CTBP1: variants seen among roughly 807,000 people sequenced by gnomAD.
CTBP1 encodes C-terminal-binding protein 1.
CTBP1 carries 11 observed loss-of-function variants against 42.1 expected under a neutral mutation model. That is an observed-to-expected ratio of 0.26 (90% CI 0.16 to 0.43). CTBP1 has a LOEUF of 0.43. Ranked by LOEUF, CTBP1 falls within the 20% of genes least tolerant of loss-of-function variation. The pLI, the probability that CTBP1 is intolerant of heterozygous loss-of-function variation, is 1.00. For missense variants in CTBP1, 399 were observed against 624.3 expected (o/e 0.64, Z 3.85); for synonymous variants, 324 against 277.1 (o/e 1.17, Z -1.68).
chr4:1,236,414 C>A, intron 3 of CTBP1: 1 of 557,318 alleles, frequency 1.8e-6, no homozygotes. Flanking sequence ...GTGAAGACCG[C>A]CGCGCAACTG....
rs537671526 is a variant in CTBP1 at position 1,248,721 on chromosome 4, G to A, written c.-189+195C>T. On this transcript the variant is annotated intron_variant, in intron 1 of 9. Transcript: ENST00000382952. ...CGCTCGCGCACACGCAGCGGCCCGC[G>A]CATGCGCAAGACCCTTCCCGCGGTC... The A allele has an allele frequency of 1.9e-5, 19 of 981,666 alleles. No homozygotes were observed. The South Asian group carries it at 7.5e-4, about 39-fold the overall frequency. The allele number at this position is 981,666 out of a possible 1,614,324, so 60.8% of individuals were successfully genotyped here.
intron 5 of CTBP1, among the ~76,000 whole-genome samples, chr4:1,224,904 C>T (rs1730160423): frequency 1.3e-5 from 2 of 151,672 alleles, no homozygotes; most frequent in South Asian, 2.1e-4. Flanking sequence ...TGTACTGTGA[C>T]ATCGGTGTGT....
At position 1,238,024 on chromosome 4, in the gene CTBP1, C is replaced by A. The variant is rs759422795; in HGVS notation, c.162+159G>T. ...CCTCCTGATGGTGTCCAGGGAAAAC[C>A]CCGTGTCCACCTCCTGACGGCGCGG... is the stretch of plus-strand genomic sequence containing the variant. On this transcript the variant is annotated intron_variant, in intron 3 of 9. Coordinates refer to ENST00000382952, the MANE Select transcript of CTBP1 (RefSeq NM_001012614.2). The surrounding 1 kb of genome is among the most constrained non-coding windows in gnomAD (Gnocchi z 5.9). 4.1e-5 allele frequency: 39 copies of A among 957,660 alleles called. No homozygotes were observed. The highest frequency in any genetic ancestry group is 2.6e-5 in the Non-Finnish European group (16 of 604,054). 59.3% of individuals were successfully genotyped at this position (957,660 alleles called of 1,614,324 possible).
At chr4:1,237,230 C>T in intron 3 of CTBP1, 1 of 674,824 alleles carries the variant, frequency 1.5e-6, no homozygotes, top group East Asian at 2.7e-5. Context: ...GAGTGTCCAC[C>T]TCCTGATGGG....
rs557313693 is a variant in CTBP1, at chr4:1,246,809, G to A, written c.-189+2107C>T. 3.3e-5 allele frequency among the ~76,000 whole-genome samples: 5 copies of A among 152,318 alleles called. No homozygotes were observed. The South Asian group carries it at 6.2e-4, about 19-fold the overall frequency. On this transcript the variant is annotated intron_variant, in intron 1 of 9. Coordinates refer to ENST00000382952, the MANE Select transcript of CTBP1 (RefSeq NM_001012614.2). ...TCGAGCCTGGGGCCCGTTTCCTGGAGAGCATGACTACTTCTGTCCAGGGTT... is the reference window on the plus strand; with the variant it reads ...TCGAGCCTGGGGCCCGTTTCCTGGAAAGCATGACTACTTCTGTCCAGGGTT...
At chr4:1,248,487 A>G (rs1732993649) in intron 1 of CTBP1, among the ~76,000 whole-genome samples, 1 of 149,694 alleles carries the variant, frequency 6.7e-6, no homozygotes, top group Non-Finnish European at 1.5e-5. Flanking sequence ...CGAGCTGCGC[A>G]CGGCTCCCGC....
intron 3 of CTBP1, chr4:1,237,236 A>G (rs1319640072): frequency 1.5e-6 from 1 of 662,912 alleles, no homozygotes; most frequent in Non-Finnish European, 2.7e-6. Flanking sequence ...CCACCTCCTG[A>G]TGGGGCTCAG....
chr4:1,225,640 C>G, intron 4 of CTBP1, 74 bp from the exon 5 acceptor site: 4 of 1,433,842 alleles, frequency 2.8e-6, no homozygotes, highest in Non-Finnish European at 3.7e-6. Flanking sequence ...GCCGCCGTGA[C>G]TGGAGCGGGT....
At chr4:1,230,480 T>C (rs1434874538) in intron 3 of CTBP1, among the ~76,000 whole-genome samples, 2 of 152,030 alleles carry the variant, frequency 1.3e-5, no homozygotes, top group Non-Finnish European at 2.9e-5. Flanking sequence ...AGAGGCGCAG[T>C]GGGAGATGGG....
chr4:1,216,429 G>T, intron 5 of CTBP1: 1 of 601,158 alleles, frequency 1.7e-6, no homozygotes. Flanking sequence ...GGGGTGGAAA[G>T]GGTACACTAG....
chr4:1,243,603 C>A (rs1471451380), intron 1 of CTBP1: 1 of 985,350 alleles, frequency 1.0e-6, no homozygotes, highest in African/African-American at 1.7e-5. Flanking sequence ...CGGGCCACAC[C>A]TGCCCCACTG....
chr4:1,231,344 G>A (rs1204629522), intron 3 of CTBP1, among the ~76,000 whole-genome samples: 3 of 152,186 alleles, frequency 2.0e-5, no homozygotes, highest in Non-Finnish European at 4.4e-5. Context: ...CCTTTAGATC[G>A]GGGCCCAGCA....
At position 1,238,093 on chromosome 4, in the gene CTBP1, C is replaced by A. The variant is rs530371374; in HGVS notation, c.162+90G>T. On this transcript the variant is annotated intron_variant, in intron 3 of 9. Coordinates refer to ENST00000382952, the MANE Select transcript of CTBP1 (RefSeq NM_001012614.2). This position sits in a 1 kb window ranked among gnomAD's most constrained non-coding sequence, Gnocchi z 5.9. ...TGCTCCTGCCCCAGTGGCACCCAGA[C>A]CTGCTGTGGCCCGGGCCTGCCGTGC... The A allele has an allele frequency of 2.2e-4, 342 of 1,559,738 alleles. 1 individual carries two copies. The African/African-American group carries it at 4.1e-3, about 19-fold the overall frequency.
chr4:1,238,147 C>G lies in CTBP1; in HGVS notation c.162+36G>C. ...CGTCCCTCCAACTCCCCCCAACGTG[C>G]GGTTCTGCCAGCCCCAGGCGACCAC... On this transcript the variant is annotated intron_variant, in intron 3 of 9. Transcript: ENST00000382952. This position sits in a 1 kb window ranked among gnomAD's most constrained non-coding sequence, Gnocchi z 5.9. The G allele has an allele frequency of 6.2e-7, 1 of 1,612,038 alleles. No homozygotes were observed. Among genetic ancestry groups the G allele is most frequent in the Non-Finnish European group, 8.5e-7 (1 of 1,179,364 alleles).
intron 6 of CTBP1, chr4:1,215,740 T>A (rs557353420): frequency 1.8e-6 from 1 of 542,124 alleles, no homozygotes; most frequent in East Asian, 3.2e-5. Context: ...TCAGGGGAAT[T>A]TGGTGTTCAA....
chr4:1,241,760 C>A, intron 1 of CTBP1: 1 of 1,193,040 alleles, frequency 8.4e-7, no homozygotes, highest in Non-Finnish European at 1.1e-6. Context: ...CCCTGTGGCC[C>A]CGAGGCCTAC....
intron 5 of CTBP1, chr4:1,221,764 T>C (rs1246008350): frequency 2.4e-6 from 1 of 415,138 alleles, no homozygotes; most frequent in Admixed American, 2.8e-5. Flanking sequence ...GGGAGCTGTC[T>C]GTGTGCAGGA....
At chr4:1,234,258 G>C (rs148556939) in intron 3 of CTBP1, among the ~76,000 whole-genome samples, 30 of 152,344 alleles carry the variant, frequency 2.0e-4, no homozygotes, top group African/African-American at 7.0e-4. Flanking sequence ...ATGTCCCTGT[G>C]TCTTTGAGCT....
rs143319802 is a variant in CTBP1, at chr4:1,223,542, G to A, written c.514+1818C>T. 1,275 of 454,520 alleles carry A rather than the reference G, an allele frequency of 2.8e-3. 45 individuals are homozygous for A. In the East Asian group the frequency reaches 0.068, roughly 24 times the overall value. The allele number at this position is 454,520 out of a possible 1,614,324, so 28.2% of individuals were successfully genotyped here. On this transcript the variant is annotated intron_variant, in intron 5 of 9. Coordinates refer to ENST00000382952, the MANE Select transcript of CTBP1 (RefSeq NM_001012614.2). ...ATGTTTGGGAAGCGGGGGGCCGGCC[G>A]GTCAAGGGGAGTCCCTGGCATGGCA...
Sources: gnomAD v4.1 joint callset for allele counts (sites outside exome capture counted in the v4.1 genomes callset) on GRCh38, gnomAD v4.1.1 for gene constraint, Gnocchi (gnomAD v3.1) non-coding constraint, MANE v1.5 for transcripts, NCBI Gene and HGNC (gene_info 2026-07-23, HGNC 2026-07-21) for gene names.